PTPRM: variants seen among roughly 807,000 people sequenced by gnomAD.
The protein encoded by PTPRM is receptor-type tyrosine-protein phosphatase mu.
Under a neutral mutation model 186.7 loss-of-function variants are expected in PTPRM, and 47 were observed. The observed-to-expected ratio is 0.25, with a 90% confidence interval of 0.20 to 0.32. The LOEUF is 0.32. Among genes scored for constraint, PTPRM ranks in the 10% least tolerant of loss-of-function variants. The pLI, the probability that PTPRM is intolerant of heterozygous loss-of-function variation, is 1.00. For missense variants in PTPRM, 1,494 were observed against 1,865.0 expected (o/e 0.80, Z 3.66); for synonymous variants, 668 against 674.9 (o/e 0.99, Z 0.16).
At chr18:7,890,686 A>G (rs1454832144) in intron 3 of PTPRM, among the ~76,000 whole-genome samples, 1 of 152,212 alleles carries the variant, frequency 6.6e-6, no homozygotes, top group African/African-American at 2.4e-5. Flanking sequence ...TAAAGAAGTA[A>G]TGAAGAGTGA....
At chr18:7,921,859 T>C (rs944050730) in intron 4 of PTPRM, among the ~76,000 whole-genome samples, 2 of 152,224 alleles carry the variant, frequency 1.3e-5, no homozygotes, top group African/African-American at 4.8e-5. Flanking sequence ...TATCACCATC[T>C]TGTTCAAGTC....
At chr18:7,691,616 A>G (rs144285551) in intron 1 of PTPRM, among the ~76,000 whole-genome samples, 4,225 of 152,286 alleles carry the variant, frequency 0.028, 75 homozygotes, top group Non-Finnish European at 0.04. Context: ...TTAAGAAGTC[A>G]GAGCGTGAGG....
chr18:7,688,291 C>T (rs1001074677), intron 1 of PTPRM, among the ~76,000 whole-genome samples: 2 of 152,156 alleles, frequency 1.3e-5, no homozygotes, highest in Non-Finnish European at 1.5e-5. Context: ...TAGCACTGCA[C>T]ACCCTCTCCT....
intron 2 of PTPRM, among the ~76,000 whole-genome samples, chr18:7,820,669 A>G (rs2045137613): frequency 6.6e-6 from 1 of 152,100 alleles, no homozygotes; most frequent in African/African-American, 2.4e-5. Flanking sequence ...TTTCCCTGGA[A>G]GGTTCCAGGC....
intron 1 of PTPRM, among the ~76,000 whole-genome samples, chr18:7,703,712 G>A (rs1007131080): frequency 2.0e-5 from 3 of 152,148 alleles, no homozygotes; most frequent in Admixed American, 6.5e-5. Context: ...GTGATGTGTT[G>A]AATAGGAGTG....
At chr18:7,976,201 C>T (rs890524547) in intron 7 of PTPRM, among the ~76,000 whole-genome samples, 3 of 151,978 alleles carry the variant, frequency 2.0e-5, no homozygotes, top group Non-Finnish European at 4.4e-5. Context: ...AAAAAAAGAA[C>T]GTTTCTCTGT....
intron 23 of PTPRM, among the ~76,000 whole-genome samples, chr18:8,348,285 G>A (rs1053635623): frequency 4.6e-5 from 7 of 152,374 alleles, no homozygotes; most frequent in African/African-American, 1.7e-4. Context: ...GAAGCGCTCT[G>A]CATTAGGCGG....
chr18:7,750,554 TTTTCTG>T (rs1348189728), intron 1 of PTPRM, among the ~76,000 whole-genome samples: 1 of 152,112 alleles, frequency 6.6e-6, no homozygotes, highest in Non-Finnish European at 1.5e-5. Flanking sequence ...CCAATAGAAG[TTTTCTG>T]TTTTATATTT....
At chr18:8,387,258 C>T (rs1238386650) in intron 31 of PTPRM, 23 bp downstream of exon 31, 3 of 1,604,834 alleles carry the variant, frequency 1.9e-6, no homozygotes, top group Non-Finnish European at 1.7e-6. Context: ...CAGAGCTCTT[C>T]ATTTCAGAAC....
chr18:7,960,480 T>TATATATACACACACACACACAC (rs1300573371), intron 7 of PTPRM, among the ~76,000 whole-genome samples: 2 of 86,600 alleles, frequency 2.3e-5, no homozygotes, highest in African/African-American at 8.7e-5. Flanking sequence ...TATATATATA[T>TATATATACACACACACACACAC]ACACACACAC....
At chr18:7,690,453 T>G (rs2039708544) in intron 1 of PTPRM, among the ~76,000 whole-genome samples, 1 of 152,224 alleles carries the variant, frequency 6.6e-6, no homozygotes, top group Non-Finnish European at 1.5e-5. Flanking sequence ...TTTTATACTT[T>G]CTTTTATTTG....
At chr18:7,896,352 C>T (rs533931706) in intron 3 of PTPRM, among the ~76,000 whole-genome samples, 1 of 152,286 alleles carries the variant, frequency 6.6e-6, no homozygotes, top group South Asian at 2.1e-4. Flanking sequence ...AGGAGCTAGC[C>T]ACAGATTTCG....
At position 8,247,968 on chromosome 18, in the gene PTPRM, G is replaced by C. The variant is rs773476351; in HGVS notation, c.2527+49G>C. 4.1e-6 allele frequency: 6 copies of C among 1,475,128 alleles called. No homozygotes were observed. In the South Asian group the frequency reaches 6.8e-5, roughly 17 times the overall value. 91.4% of individuals were successfully genotyped at this position (1,475,128 alleles called of 1,614,324 possible). A position where few individuals can be genotyped will look rare whatever the true frequency, so the allele number is the denominator to read the frequency against. ...CTCTCTGCTCTCTCCTCAGCAGTCA[G>C]AATCACTCCGCCCTCTCTCTGCTAT... On this transcript the variant is annotated intron_variant, in intron 16 of 32. Transcript: ENST00000580170.
intron 1 of PTPRM, among the ~76,000 whole-genome samples, chr18:7,677,002 A>T (rs1003006384): frequency 6.6e-6 from 1 of 152,206 alleles, no homozygotes; most frequent in Non-Finnish European, 1.5e-5. Flanking sequence ...TTGGGAATTT[A>T]GTTCAGGATT....
intron 1 of PTPRM, among the ~76,000 whole-genome samples, chr18:7,705,369 C>T (rs1016936964): frequency 5.9e-5 from 9 of 151,592 alleles, no homozygotes; most frequent in Non-Finnish European, 1.2e-4. Flanking sequence ...CTGTCTCTCT[C>T]TCTCTATCTT....
chr18:7,626,969 C>T (rs2038076701), intron 1 of PTPRM, among the ~76,000 whole-genome samples: 1 of 152,118 alleles, frequency 6.6e-6, no homozygotes. Context: ...ATGCCTGCAC[C>T]TGGGAGTGCA....
At chr18:7,788,731 C>A (rs2043203641) in intron 2 of PTPRM, among the ~76,000 whole-genome samples, 1 of 152,164 alleles carries the variant, frequency 6.6e-6, no homozygotes, top group Non-Finnish European at 1.5e-5. Context: ...TAGCCCAATT[C>A]TGTAAGGCAA....
At chr18:7,691,756 G>T (rs2039737812) in intron 1 of PTPRM, among the ~76,000 whole-genome samples, 1 of 151,996 alleles carries the variant, frequency 6.6e-6, no homozygotes, top group Non-Finnish European at 1.5e-5. Context: ...TTCTGAAACA[G>T]AAAAAACAAA....
At chr18:8,166,502 A>T (rs1182779206) in intron 14 of PTPRM, among the ~76,000 whole-genome samples, 1 of 152,196 alleles carries the variant, frequency 6.6e-6, no homozygotes, top group Non-Finnish European at 1.5e-5. Context: ...GATAATAATG[A>T]CCAAATGAAA....
Sources: gnomAD v4.1 joint callset for allele counts (sites outside exome capture counted in the v4.1 genomes callset) on GRCh38, gnomAD v4.1.1 for gene constraint, MANE v1.5 for transcripts, NCBI Gene and HGNC (gene_info 2026-07-23, HGNC 2026-07-21) for gene names.